The following LRFN5 variants were observed in gnomAD, a reference collection of about 807,000 sequenced individuals.
LRFN5 encodes the protein leucine-rich repeat and fibronectin type-III domain-containing protein 5.
A neutral mutation model predicts 45.6 loss-of-function variants in LRFN5; 24 were observed. The observed-to-expected ratio is 0.53, with a 90% confidence interval of 0.38 to 0.74. The LOEUF (loss-of-function observed/expected upper bound fraction) is 0.74, where lower values mean the gene tolerates loss of function less well. Among genes scored for constraint, LRFN5 ranks in the 30% least tolerant of loss-of-function variants. The pLI is 0.00. For synonymous variants in LRFN5, 340 were observed against 313.8 expected (o/e 1.08, Z -0.88); for missense variants, 776 against 861.5 (o/e 0.90, Z 1.24).
intron 2 of LRFN5, among the ~76,000 whole-genome samples, chr14:41,768,070 C>A (rs1885951194): frequency 6.6e-6 from 1 of 152,092 alleles, no homozygotes; most frequent in African/African-American, 2.4e-5. Context: ...TGATTGGATG[C>A]TTGGCAGTTA....
chr14:41,745,546 A>C (rs1884886013), intron 1 of LRFN5, among the ~76,000 whole-genome samples: 1 of 152,076 alleles, frequency 6.6e-6, no homozygotes, highest in Admixed American at 6.6e-5. Flanking sequence ...AGCAGAGATC[A>C]TTGAAATAAA....
chr14:41,718,985 C>A (rs1369743660), intron 1 of LRFN5, among the ~76,000 whole-genome samples: 2 of 152,150 alleles, frequency 1.3e-5, no homozygotes, highest in Non-Finnish European at 2.9e-5. Context: ...CATTGAACAA[C>A]CACAGAAGGA....
intron 2 of LRFN5, among the ~76,000 whole-genome samples, chr14:41,852,617 AG>A (rs1889310403): frequency 6.6e-6 from 1 of 151,744 alleles, no homozygotes; most frequent in South Asian, 2.1e-4. Flanking sequence ...TGAGCTCTGT[AG>A]TTATTTTATC....
chr14:41,891,305 A>C lies in LRFN5; in HGVS notation c.1441A>C (p.Met481Leu), dbSNP rs757831909. The C allele has an allele frequency of 1.1e-5, 18 of 1,614,092 alleles. No individual in the cohort carries two copies. Among genetic ancestry groups the C allele is most frequent in the Admixed American group, 6.7e-5 (4 of 60,004 alleles). ...GGTCAATAATCTGGCTGCTGGAACT[A>C]TGTATGACTTGTGTGTCTTGGCCAT... ...FLVNNLAAGT[M>L]YDLCVLAIYD... Residue 481 changes from methionine (M) to leucine (L), a missense_variant, in exon 4 of 6, where the codon ATG becomes CTG. By Grantham distance (15) the Met-to-Leu change is conservative. Coordinates refer to ENST00000298119, the MANE Select transcript of LRFN5 (RefSeq NM_152447.5).
At chr14:41,714,237 C>A (rs1290121396) in intron 1 of LRFN5, among the ~76,000 whole-genome samples, 1 of 152,086 alleles carries the variant, frequency 6.6e-6, no homozygotes, top group Non-Finnish European at 1.5e-5. Flanking sequence ...TTATCATCCT[C>A]TTTAGTTGAT....
At chr14:41,774,941 T>C (rs1886222858) in intron 2 of LRFN5, among the ~76,000 whole-genome samples, 1 of 152,118 alleles carries the variant, frequency 6.6e-6, no homozygotes, top group Admixed American at 6.5e-5. Context: ...TGATCTTACA[T>C]GTATAACTAA....
chr14:41,850,823 C>A (rs929805037), intron 2 of LRFN5, among the ~76,000 whole-genome samples: 1 of 151,538 alleles, frequency 6.6e-6, no homozygotes, highest in East Asian at 1.9e-4. Flanking sequence ...GAGACTATTT[C>A]CTGAAAGTTA....
intron 1 of LRFN5, among the ~76,000 whole-genome samples, chr14:41,668,921 A>C (rs1434501288): frequency 6.6e-6 from 1 of 152,138 alleles, no homozygotes; most frequent in African/African-American, 2.4e-5. Context: ...ATATATAAAT[A>C]TAAATGTGCA....
At chr14:41,752,737 T>G (rs1461494960) in intron 1 of LRFN5, among the ~76,000 whole-genome samples, 1 of 152,254 alleles carries the variant, frequency 6.6e-6, no homozygotes, top group East Asian at 1.9e-4. Flanking sequence ...CTGATGGTAG[T>G]TTCTTTTGCT....
intron 3 of LRFN5, 109 bp from the exon 4 acceptor site, chr14:41,891,141 T>C (rs982597660): frequency 3.6e-6 from 3 of 839,276 alleles, no homozygotes; most frequent in Non-Finnish European, 5.7e-6. Context: ...TCATATGTTA[T>C]AAATGTACTT....
At chr14:41,798,104 C>T (rs1448870335) in intron 2 of LRFN5, among the ~76,000 whole-genome samples, 1 of 151,828 alleles carries the variant, frequency 6.6e-6, no homozygotes, top group Non-Finnish European at 1.5e-5. Context: ...AACTGTTATC[C>T]TCAGACAACC....
intron 2 of LRFN5, among the ~76,000 whole-genome samples, chr14:41,873,632 T>C (rs1245867929): frequency 1.3e-5 from 2 of 152,120 alleles, no homozygotes; most frequent in African/African-American, 4.8e-5. Context: ...TTTTTCATGT[T>C]CACAGAGACT....
At chr14:41,763,224 C>A (rs554883216) in intron 1 of LRFN5, among the ~76,000 whole-genome samples, 26 of 152,184 alleles carry the variant, frequency 1.7e-4, no homozygotes, top group African/African-American at 6.0e-4. Context: ...TAACTGTTTT[C>A]ATTTTGAAAG....
intron 1 of LRFN5, among the ~76,000 whole-genome samples, chr14:41,718,949 C>T (rs564836266): frequency 2.2e-4 from 34 of 152,270 alleles, no homozygotes; most frequent in Admixed American, 5.2e-4. Context: ...ATGCTAGCTT[C>T]CTCTTGTGAC....
At chr14:41,894,375 GT>G in intron 4 of LRFN5, 1 of 861,838 alleles carries the variant, frequency 1.2e-6, no homozygotes. Context: ...GATTTATTTT[GT>G]TTGACTAACA....
chr14:41,763,297 T>C (rs1453927685), intron 1 of LRFN5, among the ~76,000 whole-genome samples: 4 of 152,204 alleles, frequency 2.6e-5, no homozygotes, highest in African/African-American at 9.6e-5. Flanking sequence ...CCTACCTTTG[T>C]TGATTTTAAG....
At chr14:41,783,930 G>C (rs1275015560) in intron 2 of LRFN5, among the ~76,000 whole-genome samples, 2 of 151,896 alleles carry the variant, frequency 1.3e-5, no homozygotes, top group African/African-American at 2.4e-5. Context: ...TGTGTTATAA[G>C]AAAAGTTCTA....
At chr14:41,892,434 G>A in intron 4 of LRFN5, 1 of 984,510 alleles carries the variant, frequency 1.0e-6, no homozygotes, top group Non-Finnish European at 1.2e-6. Flanking sequence ...CCTAGGACTA[G>A]CAACAGCAGA....
chr14:41,838,005 A>G (rs968468288), intron 2 of LRFN5, among the ~76,000 whole-genome samples: 1 of 152,216 alleles, frequency 6.6e-6, no homozygotes, highest in Non-Finnish European at 1.5e-5. Context: ...AAAATTGTGC[A>G]TCATCTAAAA....
Sources: gnomAD v4.1 joint callset for allele counts (sites outside exome capture counted in the v4.1 genomes callset) on GRCh38, gnomAD v4.1.1 for gene constraint, MANE v1.5 for transcripts, NCBI Gene and HGNC (gene_info 2026-07-23, HGNC 2026-07-21) for gene names.